NOTCH2: variants seen among roughly 807,000 people sequenced by gnomAD.
NOTCH2 encodes notch receptor 2.
In NOTCH2, 29 loss-of-function variants were observed where a neutral mutation model predicts 235.8. The observed-to-expected ratio is 0.12, with a 90% CI of 0.09 to 0.17. NOTCH2 has a LOEUF of 0.17. Among genes scored for constraint, NOTCH2 ranks in the 10% least tolerant of loss-of-function variants. The pLI, the probability that NOTCH2 is intolerant of heterozygous loss-of-function variation, is 1.00. For missense variants in NOTCH2, 2,285 were observed against 3,150.2 expected (o/e 0.73, Z 6.57); for synonymous variants, 1,086 against 1,141.5 (o/e 0.95, Z 0.98).
intron 11 of NOTCH2, among the ~76,000 whole-genome samples, chr1:119,963,043 C>T (rs1650996688): frequency 6.6e-6 from 1 of 152,120 alleles, no homozygotes; most frequent in Admixed American, 6.5e-5. Context: ...AAGGTATCTC[C>T]TCTTCCTTAG....
At chr1:119,925,000 G>T (rs774821995) in intron 25 of NOTCH2, among the ~76,000 whole-genome samples, 6 of 152,210 alleles carry the variant, frequency 3.9e-5, no homozygotes, top group Non-Finnish European at 7.3e-5. Context: ...CTGCAGGCAG[G>T]TTATGTGAGA....
At chr1:120,069,238 T>A (rs782631982) in intron 1 of NOTCH2, 96 bp downstream of exon 1, 57 of 1,527,174 alleles carry the variant, frequency 3.7e-5, no homozygotes, top group Middle Eastern at 4.3e-4. Flanking sequence ...CGGCCGAGCC[T>A]GGCCTTCCCA....
Position 119,935,456 on chromosome 1 carries a change from A to G in NOTCH2, c.3655+16T>C. On this transcript the variant is annotated intron_variant, in intron 22 of 33. Transcript: ENST00000256646. ...ACAATGCCCTGGATGGAAAATGGAT[A>G]AGGATGATTTCATACCCCGAGTGCC... 1.2e-6 allele frequency: 2 copies of G among 1,614,210 alleles called. No homozygotes were observed. The highest frequency in any genetic ancestry group is 1.7e-6 in the Non-Finnish European group (2 of 1,180,006).
At position 119,938,152 on chromosome 1, in the gene NOTCH2, A is replaced by G. The variant is rs934601102; in HGVS notation, c.3184-142T>C. 5.5e-5 allele frequency: 49 copies of G among 891,662 alleles called. 1 individual carries two copies. The South Asian group carries it at 6.7e-4, about 12-fold the overall frequency. 55.2% of individuals were successfully genotyped at this position (891,662 alleles called of 1,614,324 possible). A position where few individuals can be genotyped will look rare whatever the true frequency, so the allele number is the denominator to read the frequency against. ...GCCTTCATCTAGTAAAAGAGCCCTT[A>G]AACTAGATTCAGTGTTCCGAGGTAC... On this transcript the variant is annotated intron_variant, in intron 19 of 33. Coordinates refer to ENST00000256646, the MANE Select transcript of NOTCH2 (RefSeq NM_024408.4).
rs782497161 is a variant in NOTCH2 at position 119,948,381 on chromosome 1, T to G, written c.2752+33A>C. The G allele has an allele frequency of 4.3e-6, 7 of 1,613,146 alleles. No homozygotes were observed. In the African/African-American group the frequency reaches 9.3e-5, roughly 22 times the overall value. ...CTGCTCCCTGTGTGTTTTCCTCTCC[T>G]CTGGGGGCTTAAGAGCTGACTGGCA... is the stretch of plus-strand genomic sequence containing the variant. On this transcript the variant is annotated intron_variant, in intron 17 of 33. Coordinates refer to ENST00000256646, the MANE Select transcript of NOTCH2 (RefSeq NM_024408.4).
chr1:119,981,332 T>C (rs1372025259), intron 5 of NOTCH2, among the ~76,000 whole-genome samples: 1 of 152,234 alleles, frequency 6.6e-6, no homozygotes, highest in Admixed American at 6.5e-5. Flanking sequence ...AGTGTGGTTA[T>C]GTGTGGACTT....
intron 14 of NOTCH2, among the ~76,000 whole-genome samples, chr1:119,952,145 T>C (rs1397142461): frequency 6.6e-6 from 1 of 152,194 alleles, no homozygotes; most frequent in Non-Finnish European, 1.5e-5. Context: ...TTTGTGAGTT[T>C]CCAAGAGAAA....
At chr1:120,058,721 A>G (rs1655213245) in intron 1 of NOTCH2, among the ~76,000 whole-genome samples, 1 of 140,808 alleles carries the variant, frequency 7.1e-6, no homozygotes, top group Admixed American at 7.0e-5. Context: ...AGTAATTTTT[A>G]TATTAATTGT....
rs780573273 is a variant in NOTCH2, at chr1:119,913,996, TGAAA to T, written c.*1306_*1309del. 3.2e-4 allele frequency: 74 copies of T among 232,926 alleles called. No homozygotes were observed. Among genetic ancestry groups the T allele is most frequent in the Non-Finnish European group, 5.0e-4 (59 of 117,904 alleles). 14.4% of individuals were successfully genotyped at this position (232,926 alleles called of 1,614,324 possible). ...TACCAGTAACACGGACCACACGGTGTGAAAGAAAGATTGGTGAGCAGGCCTTTAA... is the reference window on the plus strand; with the variant it reads ...TACCAGTAACACGGACCACACGGTGTGAAAGATTGGTGAGCAGGCCTTTAA... On this transcript the variant is annotated 3_prime_UTR_variant, in exon 34 of 34. Transcript: ENST00000256646.
chr1:120,038,004 A>C (rs1654381381), intron 1 of NOTCH2, among the ~76,000 whole-genome samples: 1 of 152,202 alleles, frequency 6.6e-6, no homozygotes, highest in Non-Finnish European at 1.5e-5. Context: ...TTTTGGTTTT[A>C]AAAATTCCAA....
chr1:120,047,697 A>T (rs1654837137), intron 1 of NOTCH2, among the ~76,000 whole-genome samples: 1 of 150,396 alleles, frequency 6.6e-6, no homozygotes, highest in Non-Finnish European at 1.5e-5. Context: ...AAAAAAAAAA[A>T]AGTCAGTCAT....
chr1:119,982,694 C>A (rs781985824), intron 5 of NOTCH2, among the ~76,000 whole-genome samples: 26 of 152,264 alleles, frequency 1.7e-4, no homozygotes, highest in Non-Finnish European at 3.2e-4. Context: ...TCAGGCTTAT[C>A]CCTATAAGAC....
In NOTCH2 at chr1:119,922,640, G is replaced by A. The variant is rs765967094; in HGVS notation, c.4998C>T (p.Val1666=). Residue 1666 remains valine, a synonymous_variant, in exon 27 of 34, where the codon GTC becomes GTT. Transcript: ENST00000256646. ...QGTLSYPLVS[V]VSESLTPERT... is the part of the protein sequence containing the mutation. ...CTTTACACCAGTGCCACTCACTGAC[G>A]ACAGACACAAGAGGGTATGACAGGG... is the stretch of plus-strand genomic sequence containing the variant. The A allele has an allele frequency of 3.7e-5, 59 of 1,613,838 alleles. No homozygotes were observed. Among genetic ancestry groups the A allele is most frequent in the Non-Finnish European group, 4.7e-5 (55 of 1,180,044 alleles).
rs2453038 is a variant in NOTCH2, at chr1:119,976,931, T to C, written c.875-7187A>G. On this transcript the variant is annotated intron_variant, in intron 5 of 33. Transcript: ENST00000256646. ...ACTTTCTCAAAGAGACCTTACTTGCTTGTCACTAAACACAATTAGTTCTGC... is the reference window on the plus strand; with the variant it reads ...ACTTTCTCAAAGAGACCTTACTTGCCTGTCACTAAACACAATTAGTTCTGC... Among the ~76,000 whole-genome samples the C allele has an allele frequency of 6.9e-3, 1,047 of 152,232 alleles. 17 individuals carry two copies. Among genetic ancestry groups the C allele is most frequent in the African/African-American group, 0.023 (939 of 41,568 alleles).
At chr1:120,004,154 C>A (rs1652869010) in intron 3 of NOTCH2, among the ~76,000 whole-genome samples, 1 of 152,154 alleles carries the variant, frequency 6.6e-6, no homozygotes, top group South Asian at 2.1e-4. Context: ...TATTCAGAAA[C>A]TATTTCAGAA....
chr1:120,002,670 CTCCT>C (rs1652812166), intron 3 of NOTCH2, among the ~76,000 whole-genome samples: 1 of 141,628 alleles, frequency 7.1e-6, no homozygotes, highest in African/African-American at 2.7e-5. Context: ...TCAGTATTTC[CTCCT>C]TCTTTTATTA....
chr1:119,954,946 G>A, intron 13 of NOTCH2, 94 bp downstream of exon 13: 1 of 1,248,990 alleles, frequency 8.0e-7, no homozygotes, highest in Non-Finnish European at 1.2e-6. Context: ...TCAGCTCAAA[G>A]CCCCATTTGA....
At chr1:119,937,541 G>T in intron 20 of NOTCH2, 75 bp from the exon 21 acceptor site, 1 of 1,407,148 alleles carries the variant, frequency 7.1e-7, no homozygotes, top group Non-Finnish European at 9.9e-7. Flanking sequence ...CAATGAGCAA[G>T]TAAATCTAAA....
chr1:120,068,764 T>C (rs1570803668), intron 1 of NOTCH2: 1 of 348,290 alleles, frequency 2.9e-6, no homozygotes, highest in East Asian at 5.4e-5. Context: ...TCCCCCGGAC[T>C]TTCGGTGGGG....
Sources: gnomAD v4.1 joint callset for allele counts (sites outside exome capture counted in the v4.1 genomes callset) on GRCh38, gnomAD v4.1.1 for gene constraint, MANE v1.5 for transcripts, NCBI Gene and HGNC (gene_info 2026-07-23, HGNC 2026-07-21) for gene names.